Variants in CPNE4 observed in about 807,000 individuals in gnomAD.
The protein encoded by CPNE4 is copine 4.
CPNE4 carries 25 observed loss-of-function variants against 67.9 expected under a neutral mutation model. The observed-to-expected ratio is 0.37, with a 90% CI of 0.27 to 0.51. The LOEUF (loss-of-function observed/expected upper bound fraction) is 0.51. Ranked by LOEUF, CPNE4 falls within the 20% of genes least tolerant of loss-of-function variation. The pLI, the probability that CPNE4 is intolerant of heterozygous loss-of-function variation, is 0.93. For missense variants in CPNE4, 464 were observed against 690.8 expected (o/e 0.67, Z 3.68); for synonymous variants, 242 against 244.9 (o/e 0.99, Z 0.11).
intron 1 of CPNE4, among the ~76,000 whole-genome samples, chr3:131,938,356 C>CAA (rs1224174343): frequency 7.0e-6 from 1 of 141,896 alleles, no homozygotes; most frequent in Non-Finnish European, 1.5e-5. Flanking sequence ...TATGCTGTCT[C>CAA]AAAAAAAAAA....
chr3:132,000,533 T>TA (rs2073405497), intron 1 of CPNE4, among the ~76,000 whole-genome samples: 2 of 151,438 alleles, frequency 1.3e-5, no homozygotes. Flanking sequence ...ATTTATTAGT[T>TA]ACTAGTAAAC....
At chr3:131,613,339 A>C (rs941230816) in intron 7 of CPNE4, among the ~76,000 whole-genome samples, 1 of 152,134 alleles carries the variant, frequency 6.6e-6, no homozygotes, top group African/African-American at 2.4e-5. Context: ...TTGTGGCTTC[A>C]CTAAAGCCCC....
chr3:131,841,214 C>T (rs1281108073), intron 2 of CPNE4, among the ~76,000 whole-genome samples: 5 of 152,092 alleles, frequency 3.3e-5, no homozygotes, highest in Admixed American at 3.3e-4. Flanking sequence ...GTGGTTATTC[C>T]CTTCCAAAGA....
chr3:131,893,839 GT>G (rs1338913013), intron 2 of CPNE4, among the ~76,000 whole-genome samples: 2 of 151,710 alleles, frequency 1.3e-5, no homozygotes, highest in African/African-American at 2.4e-5. Context: ...GTCATTTATG[GT>G]AAGAAACATC....
At chr3:131,608,999 A>C (rs1325081811) in intron 7 of CPNE4, among the ~76,000 whole-genome samples, 2 of 151,176 alleles carry the variant, frequency 1.3e-5, no homozygotes, top group African/African-American at 4.9e-5. Flanking sequence ...TTTTCTAGAT[A>C]CTCCTCCTCC....
At chr3:131,978,416 G>T (rs374201655) in intron 1 of CPNE4, among the ~76,000 whole-genome samples, 4 of 182 alleles carry the variant, frequency 0.022, no homozygotes, top group African/African-American at 0.071. Context: ...TTATATATAT[G>T]TATATATATA....
chr3:131,967,094 A>G (rs376522705), intron 1 of CPNE4, among the ~76,000 whole-genome samples: 1 of 152,236 alleles, frequency 6.6e-6, no homozygotes, highest in African/African-American at 2.4e-5. Flanking sequence ...AACATAATCC[A>G]TCACATAAAT....
chr3:131,996,159 G>C (rs1034361124), intron 1 of CPNE4, among the ~76,000 whole-genome samples: 1 of 152,148 alleles, frequency 6.6e-6, no homozygotes, highest in Non-Finnish European at 1.5e-5. Context: ...AATGCTGTCT[G>C]TGTTTTGAAG....
At chr3:131,905,812 G>A (rs1414149440) in intron 1 of CPNE4, among the ~76,000 whole-genome samples, 2 of 152,110 alleles carry the variant, frequency 1.3e-5, no homozygotes, top group African/African-American at 2.4e-5. Context: ...AGATTTGTTG[G>A]TTCATCAATT....
At chr3:131,743,848 A>G (rs1166891804) in intron 2 of CPNE4, among the ~76,000 whole-genome samples, 2 of 149,908 alleles carry the variant, frequency 1.3e-5, no homozygotes, top group South Asian at 2.1e-4. Context: ...CTGTAGTCCC[A>G]GCTACTCGGG....
At chr3:131,983,419 G>C (rs2072960146) in intron 1 of CPNE4, among the ~76,000 whole-genome samples, 1 of 152,042 alleles carries the variant, frequency 6.6e-6, no homozygotes, top group Non-Finnish European at 1.5e-5. Context: ...CTACGACGTG[G>C]AGCTGCACAA....
chr3:131,711,389 C>T (rs2081553402), intron 3 of CPNE4, among the ~76,000 whole-genome samples: 1 of 152,134 alleles, frequency 6.6e-6, no homozygotes, highest in Non-Finnish European at 1.5e-5. Context: ...ACCAGTTTTA[C>T]TGGTTTGAAT....
At chr3:131,749,173 C>T (rs2082563147) in intron 2 of CPNE4, among the ~76,000 whole-genome samples, 1 of 152,002 alleles carries the variant, frequency 6.6e-6, no homozygotes, top group Non-Finnish European at 1.5e-5. Context: ...TTACATTTCC[C>T]TTGAGACTGT....
chr3:131,557,072 A>G (rs1307388802), intron 11 of CPNE4, among the ~76,000 whole-genome samples: 1 of 152,078 alleles, frequency 6.6e-6, no homozygotes, highest in African/African-American at 2.4e-5. Flanking sequence ...TAATGATTAT[A>G]TGTAGTATTA....
chr3:131,957,183 C>T (rs998005023), intron 1 of CPNE4, among the ~76,000 whole-genome samples: 5 of 152,158 alleles, frequency 3.3e-5, no homozygotes, highest in African/African-American at 1.2e-4. Flanking sequence ...CCACTGGAGA[C>T]CCACTCTTGT....
intron 2 of CPNE4, among the ~76,000 whole-genome samples, chr3:131,863,576 T>C (rs2086790935): frequency 6.6e-6 from 1 of 152,230 alleles, no homozygotes; most frequent in Admixed American, 6.5e-5. Flanking sequence ...TGTAAATTTG[T>C]CTGAGTTCAT....
In CPNE4 at chr3:131,543,280, G is replaced by A. The variant is rs186528941; in HGVS notation, c.1303-487C>T. ...TTGAAATGTGGCTAGAGCAAGTGACGAACTGAATTTTATATTTTATTTAAT... is the reference window on the plus strand; with the variant it reads ...TTGAAATGTGGCTAGAGCAAGTGACAAACTGAATTTTATATTTTATTTAAT... On this transcript the variant is annotated intron_variant, in intron 14 of 15. Coordinates refer to ENST00000429747, the MANE Select transcript of CPNE4 (RefSeq NM_130808.3). Among the ~76,000 whole-genome samples the A allele has an allele frequency of 5.9e-5, 9 of 152,260 alleles. No homozygotes were observed. In the East Asian group the frequency reaches 1.4e-3, roughly 23 times the overall value.
At chr3:132,022,489 C>T (rs779255604) in intron 1 of CPNE4, among the ~76,000 whole-genome samples, 23 of 151,978 alleles carry the variant, frequency 1.5e-4, no homozygotes, top group African/African-American at 4.8e-4. Context: ...TACAACTTGC[C>T]GTACAATCAC....
At chr3:131,887,650 C>A (rs2087948736) in intron 2 of CPNE4, among the ~76,000 whole-genome samples, 1 of 152,170 alleles carries the variant, frequency 6.6e-6, no homozygotes, top group African/African-American at 2.4e-5. Context: ...TCAGGCCATG[C>A]ATTTCCTAAG....
Sources: allele counts gnomAD v4.1 joint callset (sites outside exome capture counted in the v4.1 genomes callset), GRCh38; gene constraint gnomAD v4.1.1; transcripts MANE v1.5; gene names NCBI Gene and HGNC (gene_info 2026-07-23, HGNC 2026-07-21).